Variants in CBFA2T3 observed in about 807,000 individuals in gnomAD.
CBFA2T3 encodes the protein transcriptional corepressor CBFA2T3.
CBFA2T3 carries 31 observed loss-of-function variants against 58.6 expected under a neutral mutation model. That is an observed-to-expected ratio of 0.53 (90% confidence interval 0.40 to 0.71). CBFA2T3 has a LOEUF of 0.71. CBFA2T3 is among the 30% of genes least tolerant of loss of function. CBFA2T3 has a pLI of 0.00. For synonymous variants in CBFA2T3, 531 were observed against 421.9 expected, an observed-to-expected ratio of 1.26 and a Z score of -3.17; for missense variants, 1,076 against 963.1, an observed-to-expected ratio of 1.12 and a Z score of -1.55.
intron 1 of CBFA2T3, among the ~76,000 whole-genome samples, chr16:88,925,407 G>C (rs867982505): frequency 4.6e-5 from 7 of 152,212 alleles, no homozygotes; most frequent in African/African-American, 1.4e-4. Context: ...CAGGGGGCCA[G>C]GGGGTGGTGC....
intron 1 of CBFA2T3, among the ~76,000 whole-genome samples, chr16:88,919,772 G>GTCAGTGTCGC (rs1970852328): frequency 6.6e-6 from 1 of 152,206 alleles, no homozygotes; most frequent in African/African-American, 2.4e-5. Flanking sequence ...CTGTTGGAAA[G>GTCAGTGTCGC]TCAGTGTCGC....
intron 1 of CBFA2T3, among the ~76,000 whole-genome samples, chr16:88,969,702 C>T (rs1300234246): frequency 6.6e-6 from 1 of 152,198 alleles, no homozygotes; most frequent in Non-Finnish European, 1.5e-5. Flanking sequence ...ATCTTGCAGG[C>T]TCAGGGCAGC....
In CBFA2T3 at chr16:88,882,654, G is replaced by A. The variant is rs1043707502; in HGVS notation, c.1203+22C>T. 7 of 1,505,030 alleles carry A rather than the reference G, an allele frequency of 4.7e-6. No individual in the cohort carries two copies. In the East Asian group the frequency reaches 7.1e-5, roughly 15 times the overall value. 93.2% of individuals were successfully genotyped at this position (1,505,030 alleles called of 1,614,324 possible). A position where few individuals can be genotyped will look rare whatever the true frequency, so the allele number is the denominator to read the frequency against. Reference sequence around the variant, plus strand: ...TGCGCCTGGGCATGGCTGTGTGGGCGTGGCTGTGTGTGGACACTCACGTTG... The same window carrying A: ...TGCGCCTGGGCATGGCTGTGTGGGCATGGCTGTGTGTGGACACTCACGTTG... On this transcript the variant is annotated intron_variant, in intron 8 of 11. Coordinates refer to ENST00000268679, the MANE Select transcript of CBFA2T3 (RefSeq NM_005187.6).
chr16:88,898,480 G>C (rs1044824014), intron 2 of CBFA2T3, among the ~76,000 whole-genome samples: 3 of 152,230 alleles, frequency 2.0e-5, no homozygotes, highest in African/African-American at 7.2e-5. Flanking sequence ...CCTTCTCTGA[G>C]AGTGGGTGAT....
intron 1 of CBFA2T3, among the ~76,000 whole-genome samples, chr16:88,963,358 T>G (rs539682805): frequency 6.9e-6 from 1 of 144,798 alleles, no homozygotes; most frequent in African/African-American, 2.6e-5. Context: ...TTTTTAAGAA[T>G]GTTAAGATCT....
At chr16:88,891,103 C>T (rs983678814) in intron 5 of CBFA2T3, among the ~76,000 whole-genome samples, 5 of 152,122 alleles carry the variant, frequency 3.3e-5, no homozygotes, top group Non-Finnish European at 5.9e-5. Context: ...CTGCTTTCAC[C>T]TGACACCTCT....
At chr16:88,895,871 G>A (rs1969869642) in intron 3 of CBFA2T3, among the ~76,000 whole-genome samples, 1 of 152,236 alleles carries the variant, frequency 6.6e-6, no homozygotes, top group African/African-American at 2.4e-5. Flanking sequence ...TGCCCTGTGA[G>A]TCAGACTCGG....
rs555461254 is a variant in CBFA2T3, at chr16:88,975,385, C to T, written c.151+1272G>A. Among the ~76,000 whole-genome samples, 85 of 152,322 alleles carry T rather than the reference C, an allele frequency of 5.6e-4. No homozygotes were observed. The South Asian group carries it at 0.016, about 29-fold the overall frequency. ...AGACGCCCCCATCCTAACAAAGCGG[C>T]GGCTCTCCATGCGCCTCAGAGCCCG... On this transcript the variant is annotated intron_variant, in intron 1 of 11. Coordinates refer to ENST00000268679, the MANE Select transcript of CBFA2T3 (RefSeq NM_005187.6).
At chr16:88,881,155 A>G in intron 9 of CBFA2T3, 136 bp downstream of exon 9, 1 of 840,716 alleles carries the variant, frequency 1.2e-6, no homozygotes, top group East Asian at 2.6e-5. Flanking sequence ...TTTCCTACAA[A>G]GTGAAAAAGG....
intron 1 of CBFA2T3, chr16:88,940,212 C>T: frequency 6.5e-6 from 1 of 154,690 alleles, no homozygotes; most frequent in Middle Eastern, 7.4e-4. Context: ...GTGGGCACAG[C>T]CCGGCCGCGG....
At chr16:88,891,861 G>C (rs183072982) in intron 5 of CBFA2T3, 21 bp downstream of exon 5, 1 of 1,572,790 alleles carries the variant, frequency 6.4e-7, no homozygotes, top group Non-Finnish European at 8.7e-7. Flanking sequence ...CCCGCAGCAC[G>C]GGGGACGGGT....
chr16:88,880,777 C>G lies in CBFA2T3; in HGVS notation c.1414G>C (p.Glu472Gln). 6.3e-7 allele frequency: 1 copy of G among 1,584,080 alleles called. No individual in the cohort carries two copies. The highest frequency in any genetic ancestry group is 1.1e-5 in the South Asian group (1 of 87,006). The change falls in exon 10 of 12, where the codon GAG (glutamate) becomes CAG (glutamine). Residue 472 changes from glutamate (E) to glutamine (Q), a missense_variant. Physicochemically the swap from Glu to Gln is conservative, Grantham distance 29 (BLOSUM62 2). Transcript: ENST00000268679. The stretch of plus-strand genomic sequence containing the variant: ...CCGGTGAGGGTCCTCGGCAGGAACT[C>G]GCGAGGCACGTCTGAAACAGGGGCC... ...PEGPQLDVPR[E>Q]FLPRTLTGYV...
Position 88,876,725 on chromosome 16 carries a change from CGTT to C in CBFA2T3, c.*248_*250del. ...AGGCTTCTGAGGATGCTTGAAGAGA[CGTT>C]GTCAGGAGGTCTCCGCGCGGAATCA... On this transcript the variant is annotated 3_prime_UTR_variant, in exon 12 of 12. Transcript: ENST00000268679. The C allele has an allele frequency of 2.3e-6, 1 of 443,984 alleles. No individual in the cohort carries two copies. Among genetic ancestry groups the C allele is most frequent in the East Asian group, 3.6e-5 (1 of 27,448 alleles). The allele number at this position is 443,984 out of a possible 1,614,324, so 27.5% of individuals were successfully genotyped here.
chr16:88,908,093 G>C (rs1213762627), intron 1 of CBFA2T3, among the ~76,000 whole-genome samples: 8 of 152,202 alleles, frequency 5.3e-5, no homozygotes, highest in Non-Finnish European at 1.2e-4. Context: ...TGTCATCCCA[G>C]CACTTTGGGA....
intron 1 of CBFA2T3, among the ~76,000 whole-genome samples, chr16:88,907,008 G>A (rs1407862931): frequency 1.3e-5 from 2 of 151,808 alleles, no homozygotes; most frequent in African/African-American, 2.4e-5. Context: ...GTAGCACCTG[G>A]GGTGGCCGGC....
chr16:88,883,033 G>C lies in CBFA2T3; in HGVS notation c.1118-272C>G, dbSNP rs147564980. On this transcript the variant is annotated intron_variant, in intron 7 of 11. Transcript: ENST00000268679. ...GTCTCAGTCCCATTCTGCAGCTGAG[G>C]AAACTGAGGCTGGTTAAGAGGATGT... 4.6e-5 allele frequency among the ~76,000 whole-genome samples: 7 copies of C among 152,342 alleles called. No homozygotes were observed. In the East Asian group the frequency reaches 1.2e-3, roughly 25 times the overall value.
intron 1 of CBFA2T3, among the ~76,000 whole-genome samples, chr16:88,903,340 C>G (rs971398809): frequency 3.3e-5 from 5 of 152,230 alleles, no homozygotes; most frequent in Admixed American, 3.3e-4. Flanking sequence ...CTAACCGGCC[C>G]CTGGTGCTCC....
intron 1 of CBFA2T3, chr16:88,941,225 C>T (rs1971716385): frequency 4.2e-6 from 4 of 959,704 alleles, no homozygotes; most frequent in Admixed American, 6.3e-5. Flanking sequence ...GGACTCGGCT[C>T]CGGCCACCCC....
rs549247438 is a variant in CBFA2T3 at position 88,879,659 on chromosome 16, T to C, written c.1472-199A>G. 1.7e-3 allele frequency: 946 copies of C among 561,090 alleles called. 7 individuals carry two copies. The highest frequency in any genetic ancestry group is 0.016 in the African/African-American group (852 of 53,606). 34.8% of individuals were successfully genotyped at this position (561,090 alleles called of 1,614,324 possible). A position where few individuals can be genotyped will look rare whatever the true frequency, so the allele number is the denominator to read the frequency against. On this transcript the variant is annotated intron_variant, in intron 10 of 11. Coordinates refer to ENST00000268679, the MANE Select transcript of CBFA2T3 (RefSeq NM_005187.6). ...GCATCTGTGCACACACAGACACACG[T>C]TGATGGCCCTCATGCCTGTGCAGAC...
Sources: allele counts gnomAD v4.1 joint callset (sites outside exome capture counted in the v4.1 genomes callset), GRCh38; gene constraint gnomAD v4.1.1; transcripts MANE v1.5; gene names NCBI Gene and HGNC (gene_info 2026-07-23, HGNC 2026-07-21).